The following ABLIM2 variants were observed in gnomAD, a reference collection of about 807,000 sequenced individuals.
The protein encoded by ABLIM2 is actin-binding LIM protein 2.
In ABLIM2, 53 loss-of-function variants were observed where a neutral mutation model predicts 97.7. The ratio of observed to expected loss-of-function variants is 0.54; its 90% CI spans 0.44 to 0.68. The LOEUF is 0.68. Among genes scored for constraint, ABLIM2 ranks in the 30% least tolerant of loss-of-function variants. The pLI, the probability that ABLIM2 is intolerant of heterozygous loss-of-function variation, is 0.00. For synonymous variants in ABLIM2, 361 were observed against 345.8 expected, an observed-to-expected ratio of 1.04 and a Z score of -0.49; for missense variants, 835 against 867.2, an observed-to-expected ratio of 0.96 and a Z score of 0.47.
At chr4:8,000,179 T>C (rs1339334505) in intron 16 of ABLIM2, among the ~76,000 whole-genome samples, 3 of 151,972 alleles carry the variant, frequency 2.0e-5, no homozygotes, top group Non-Finnish European at 4.4e-5. Context: ...TGAGCAGTGG[T>C]GAATGAGAGG....
chr4:7,973,427 G>A (rs1478839589), intron 20 of ABLIM2, among the ~76,000 whole-genome samples: 2 of 151,958 alleles, frequency 1.3e-5, no homozygotes, highest in African/African-American at 4.8e-5. Context: ...CTTAAATCCA[G>A]GAGGTGGAGG....
intron 9 of ABLIM2, among the ~76,000 whole-genome samples, chr4:8,037,825 C>T (rs553587891): frequency 2.0e-5 from 3 of 152,386 alleles, no homozygotes; most frequent in South Asian, 4.1e-4. Flanking sequence ...CCCACAGTGG[C>T]GCTCCTGCCC....
At chr4:8,060,833 C>A (rs958616462) in intron 7 of ABLIM2, 134 bp downstream of exon 7, 35 of 729,690 alleles carry the variant, frequency 4.8e-5, no homozygotes, top group African/African-American at 4.7e-4. Context: ...CTGCCGGCTC[C>A]CCGCTGTGGC....
At chr4:8,062,570 C>T (rs1350821106) in intron 6 of ABLIM2, among the ~76,000 whole-genome samples, 1 of 152,024 alleles carries the variant, frequency 6.6e-6, no homozygotes, top group African/African-American at 2.4e-5. Flanking sequence ...CTCCGAGTAG[C>T]TGGGACTACA....
At chr4:8,145,859 A>G (rs1851719953) in intron 1 of ABLIM2, among the ~76,000 whole-genome samples, 1 of 151,880 alleles carries the variant, frequency 6.6e-6, no homozygotes, top group South Asian at 2.1e-4. Context: ...TCCACCTCTC[A>G]AAATAGAGTA....
Position 8,033,971 on chromosome 4 carries a change from G to C in ABLIM2, c.1047+2178C>G, listed in dbSNP as rs1191227985. Among the ~76,000 whole-genome samples the C allele has an allele frequency of 6.6e-6, 1 of 152,192 alleles. No homozygotes were observed. Among genetic ancestry groups the C allele is most frequent in the Non-Finnish European group, 1.5e-5 (1 of 68,028 alleles). Reference sequence around the variant, plus strand: ...GGACACACGCACTCAAACCAGGAAGGGGTGTGCCCGATGCCCCAAGGCTGC... The same window carrying C: ...GGACACACGCACTCAAACCAGGAAGCGGTGTGCCCGATGCCCCAAGGCTGC... On this transcript the variant is annotated intron_variant, in intron 10 of 20. Transcript: ENST00000447017. The surrounding 1 kb of genome is among the most constrained non-coding windows in gnomAD (Gnocchi z 4.5).
At chr4:7,983,631 G>A (rs1190476970) in intron 18 of ABLIM2, 77 bp from the exon 19 acceptor site, 2 of 1,556,212 alleles carry the variant, frequency 1.3e-6, no homozygotes, top group Non-Finnish European at 1.8e-6. Flanking sequence ...TGCAATCCCT[G>A]CCCTGGGGTA....
intron 1 of ABLIM2, among the ~76,000 whole-genome samples, chr4:8,137,539 T>C (rs959768318): frequency 3.3e-5 from 5 of 152,176 alleles, no homozygotes; most frequent in African/African-American, 1.2e-4. Context: ...GGCCTGGCCC[T>C]CATGGGAGCC....
At chr4:7,977,448 C>T (rs571564524) in intron 20 of ABLIM2, among the ~76,000 whole-genome samples, 27 of 152,300 alleles carry the variant, frequency 1.8e-4, no homozygotes, top group Non-Finnish European at 2.9e-4. Flanking sequence ...GGCACACAAA[C>T]GTCCCCTGTG....
At chr4:8,089,777 T>C (rs957991489) in intron 3 of ABLIM2, among the ~76,000 whole-genome samples, 9 of 149,420 alleles carry the variant, frequency 6.0e-5, no homozygotes, top group Middle Eastern at 3.6e-3. Flanking sequence ...AACACCTTTG[T>C]TGGGTTCTGT....
chr4:8,012,909 C>T (rs904987226), intron 14 of ABLIM2, among the ~76,000 whole-genome samples: 3 of 152,198 alleles, frequency 2.0e-5, no homozygotes, highest in Non-Finnish European at 2.9e-5. Context: ...GTCCATCTAC[C>T]CTCTGTTCAC....
At chr4:8,099,185 C>T (rs370525342) in intron 2 of ABLIM2, among the ~76,000 whole-genome samples, 5 of 152,294 alleles carry the variant, frequency 3.3e-5, no homozygotes, top group African/African-American at 4.8e-5. Context: ...TGCACCATAG[C>T]GTAGACCAAG....
At chr4:8,088,534 A>C (rs189926705) in intron 3 of ABLIM2, among the ~76,000 whole-genome samples, 82 of 152,344 alleles carry the variant, frequency 5.4e-4, no homozygotes, top group Non-Finnish European at 8.8e-5. Context: ...ATAGCACCTA[A>C]GGTGGTGGTG....
chr4:8,124,185 A>C lies in ABLIM2; in HGVS notation c.11-17548T>G, dbSNP rs1846764305. 1.3e-5 allele frequency among the ~76,000 whole-genome samples: 2 copies of C among 152,166 alleles called. No homozygotes were observed. The highest frequency in any genetic ancestry group is 4.8e-5 in the African/African-American group (2 of 41,422). Reference sequence around the variant, plus strand: ...AGCACCTCGATGTGCTTTCAGAAACAATATTCTCAGCACCTCCACAGAGCC... The same window carrying C: ...AGCACCTCGATGTGCTTTCAGAAACCATATTCTCAGCACCTCCACAGAGCC... On this transcript the variant is annotated intron_variant, in intron 1 of 20. Coordinates refer to ENST00000447017, the MANE Select transcript of ABLIM2 (RefSeq NM_001130083.2). The surrounding 1 kb of genome is among the most constrained non-coding windows in gnomAD (Gnocchi z 6.1).
At chr4:8,008,678 G>T (rs1762917635) in intron 15 of ABLIM2, among the ~76,000 whole-genome samples, 1 of 152,244 alleles carries the variant, frequency 6.6e-6, no homozygotes, top group Admixed American at 6.5e-5. Flanking sequence ...CTGCATCGGA[G>T]ATGGTTCAGC....
At chr4:8,089,960 ACCGTGCCTTCC>A (rs1053904975) in intron 3 of ABLIM2, among the ~76,000 whole-genome samples, 1 of 152,152 alleles carries the variant, frequency 6.6e-6, no homozygotes, top group Non-Finnish European at 1.5e-5. Context: ...GCTGGAGACC[ACCGTGCCTTCC>A]CCTGCTGAAG....
chr4:8,089,856 T>A (rs1463869450), intron 3 of ABLIM2, among the ~76,000 whole-genome samples: 3 of 151,890 alleles, frequency 2.0e-5, no homozygotes, highest in Non-Finnish European at 4.4e-5. Flanking sequence ...AGTGAAGGAC[T>A]GAAGCTCTCC....
Position 8,023,959 on chromosome 4 carries a change from GC to G in ABLIM2, c.1268-3657del, listed in dbSNP as rs1775665617. On this transcript the variant is annotated intron_variant, in intron 12 of 20. Coordinates refer to ENST00000447017, the MANE Select transcript of ABLIM2 (RefSeq NM_001130083.2). The surrounding 1 kb of genome is among the most constrained non-coding windows in gnomAD (Gnocchi z 5.7). ...GAGGCCAGCTGGTGGCCACGGGCAG[GC>G]CAGGTAGGATGATGCCCATGCTGCA... Among the ~76,000 whole-genome samples, 1 of 152,200 alleles carries G rather than the reference GC, an allele frequency of 6.6e-6. No homozygotes were observed. The highest frequency in any genetic ancestry group is 1.5e-5 in the Non-Finnish European group (1 of 68,032).
chr4:7,993,004 C>T (rs1165867801), intron 16 of ABLIM2, 77 bp from the exon 17 acceptor site: 25 of 1,517,668 alleles, frequency 1.6e-5, no homozygotes, highest in Non-Finnish European at 2.1e-5. Flanking sequence ...GGGGGGGCTT[C>T]CCACCGGGGT....
Sources: allele counts gnomAD v4.1 joint callset (sites outside exome capture counted in the v4.1 genomes callset), GRCh38; gene constraint gnomAD v4.1.1; non-coding constraint Gnocchi (gnomAD v3.1); transcripts MANE v1.5; gene names NCBI Gene and HGNC (gene_info 2026-07-23, HGNC 2026-07-21).